BSND: variants seen among roughly 807,000 people sequenced by gnomAD.
BSND encodes barttin.
In BSND, 13 loss-of-function variants were observed where a neutral mutation model predicts 18.8. The ratio of observed to expected loss-of-function variants is 0.69; its 90% CI spans 0.45 to 1.10. The LOEUF is 1.10. BSND is among the 50% of genes least tolerant of loss of function. BSND has a pLI of 0.00. For missense variants in BSND, 379 were observed against 416.7 expected, an observed-to-expected ratio of 0.91 and a Z score of 0.79; for synonymous variants, 170 against 161.8, an observed-to-expected ratio of 1.05 and a Z score of -0.39.
rs868274521 is a variant in BSND, at chr1:55,013,883, C to T, written c.*5255C>T. Among the ~76,000 whole-genome samples the T allele has an allele frequency of 2.0e-5, 3 of 152,176 alleles. No homozygotes were observed. The highest frequency in any genetic ancestry group is 3.2e-3 in the Middle Eastern group (1 of 316). On this transcript the variant is annotated 3_prime_UTR_variant, in exon 4 of 4. Coordinates refer to ENST00000651561, the MANE Select transcript of BSND (RefSeq NM_057176.3). ...CCTTTCCAGCCACCCTGCCTTGGCT[C>T]ATGCTGTTCCCTCCACCCAGGTGCC...
chr1:55,008,764 AGAAATACACAG>A lies in BSND; in HGVS notation c.*138_*148del. ...GATGGTGGCATTTTGAGAATGGTAA[AGAAATACACAG>A]GGAGGGGATGATGACTATTAGTGGA... On this transcript the variant is annotated 3_prime_UTR_variant, in exon 4 of 4. Transcript: ENST00000651561. 7.8e-7 allele frequency: 1 copy of A among 1,275,472 alleles called. No individual in the cohort carries two copies. The highest frequency in any genetic ancestry group is 1.1e-6 in the Non-Finnish European group (1 of 895,438). The allele number at this position is 1,275,472 out of a possible 1,614,324, so 79.0% of individuals were successfully genotyped here.
intron 1 of BSND, 101 bp from the exon 2 acceptor site, chr1:55,004,921 T>C (rs758109197): frequency 3.7e-6 from 4 of 1,090,732 alleles, no homozygotes; most frequent in South Asian, 2.6e-5. Context: ...TGGTGCAGCC[T>C]GTCTCCCAGA....
rs1644425178 is a variant in BSND, at chr1:55,012,131, G to A, written c.*3503G>A. Among the ~76,000 whole-genome samples, 1 of 152,136 alleles carries A rather than the reference G, an allele frequency of 6.6e-6. No individual in the cohort carries two copies. Among genetic ancestry groups the A allele is most frequent in the African/African-American group, 2.4e-5 (1 of 41,440 alleles). On this transcript the variant is annotated 3_prime_UTR_variant, in exon 4 of 4. Transcript: ENST00000651561. ...AAGGGTGGGCAAGGGAAGGCAGGGG[G>A]CCCAGGGGCAGGGAACCTGGGCTCT...
rs557510066 is a variant in BSND, at chr1:55,014,852, G to A, written c.*6224G>A. 6.6e-6 allele frequency among the ~76,000 whole-genome samples: 1 copy of A among 152,330 alleles called. No homozygotes were observed. The highest frequency in any genetic ancestry group is 2.4e-5 in the African/African-American group (1 of 41,576). ...TGGATAGCTGGTAGGCAACCCAGAA[G>A]AGGTGGGAGTTGCAAGCCAGGACTT... On this transcript the variant is annotated 3_prime_UTR_variant, in exon 4 of 4. Coordinates refer to ENST00000651561, the MANE Select transcript of BSND (RefSeq NM_057176.3).
At chr1:55,001,128 T>C (rs1644359206) in intron 1 of BSND, among the ~76,000 whole-genome samples, 1 of 152,142 alleles carries the variant, frequency 6.6e-6, no homozygotes, top group African/African-American at 2.4e-5. Flanking sequence ...CCCACTTCTG[T>C]GACCTTGGCA....
chr1:55,000,100 C>T (rs900075278), intron 1 of BSND, among the ~76,000 whole-genome samples: 3 of 152,100 alleles, frequency 2.0e-5, no homozygotes, highest in South Asian at 4.1e-4. Context: ...GATCCCTGCC[C>T]CTATTTTCCA....
chr1:55,017,048 C>A lies in BSND; in HGVS notation c.*8420C>A, dbSNP rs1644454704. ...CTTTGTGAATTTCTTTGATGAATTT[C>A]TATCTCCTTCATTGGACGCTAAGCT... On this transcript the variant is annotated 3_prime_UTR_variant, in exon 4 of 4. Coordinates refer to ENST00000651561, the MANE Select transcript of BSND (RefSeq NM_057176.3). Among the ~76,000 whole-genome samples the A allele has an allele frequency of 6.6e-6, 1 of 152,200 alleles. No individual in the cohort carries two copies. The highest frequency in any genetic ancestry group is 2.4e-5 in the African/African-American group (1 of 41,452).
Position 55,012,474 on chromosome 1 carries a change from A to T in BSND, c.*3846A>T, listed in dbSNP as rs2495509. Among the ~76,000 whole-genome samples the T allele has an allele frequency of 0.23, 35,394 of 152,144 alleles. 5,027 individuals carry two copies. Among genetic ancestry groups the T allele is most frequent in the African/African-American group, 0.39 (16,276 of 41,486 alleles). ...CCTTGGACAAGTCACAGCCCCTCTC[A>T]GAGCCTCAATGTCCACATTTATGCA... is the stretch of plus-strand genomic sequence containing the variant. On this transcript the variant is annotated 3_prime_UTR_variant, in exon 4 of 4. Transcript: ENST00000651561.
Position 55,007,171 on chromosome 1 carries a change from T to C in BSND, c.447T>C (p.Gly149=). Residue 149 remains glycine (G), a synonymous_variant, in exon 3 of 4, where the codon GGT becomes GGC. Transcript: ENST00000651561. Reference sequence around the variant, plus strand: ...TGGGAACCAGTGATGGAGGAGAAGGTGGCCCTGGCGACGTTCAGGCCTGGA... The same window carrying C: ...TGGGAACCAGTGATGGAGGAGAAGGCGGCCCTGGCGACGTTCAGGCCTGGA... ...PKLGTSDGGE[G]GPGDVQAWME... is the part of the protein sequence containing the mutation. 6.2e-7 allele frequency: 1 copy of C among 1,614,084 alleles called. No homozygotes were observed. The highest frequency in any genetic ancestry group is 8.5e-7 in the Non-Finnish European group (1 of 1,180,006).
chr1:55,006,984 T>G lies in BSND; in HGVS notation c.273-13T>G. 6.2e-7 allele frequency: 1 copy of G among 1,613,776 alleles called. No individual in the cohort carries two copies. Among genetic ancestry groups the G allele is most frequent in the Non-Finnish European group, 8.5e-7 (1 of 1,179,994 alleles). On this transcript the variant is annotated splice_polypyrimidine_tract_variant and intron_variant, in intron 2 of 3. Coordinates refer to ENST00000651561, the MANE Select transcript of BSND (RefSeq NM_057176.3). ...GACTCTTTGCCGCCTGCCTGTTCTC[T>G]CTCCCACTCCAGCCCCAGTCCCCAG...
intron 1 of BSND, among the ~76,000 whole-genome samples, chr1:55,001,833 G>C (rs1193954873): frequency 6.6e-6 from 1 of 152,160 alleles, no homozygotes; most frequent in Non-Finnish European, 1.5e-5. Context: ...AGGCAGAAGA[G>C]TAGCATGATC....
chr1:55,015,158 G>C lies in BSND; in HGVS notation c.*6530G>C, dbSNP rs1179185263. 6.6e-6 allele frequency among the ~76,000 whole-genome samples: 1 copy of C among 152,236 alleles called. No individual in the cohort carries two copies. The highest frequency in any genetic ancestry group is 2.4e-5 in the African/African-American group (1 of 41,454). ...ATACTAACAGATACAAAAGGGAAAG[G>C]TGGCACGTATTGGTGGCAAGAAGGC... On this transcript the variant is annotated 3_prime_UTR_variant, in exon 4 of 4. Transcript: ENST00000651561.
intron 1 of BSND, among the ~76,000 whole-genome samples, chr1:55,001,920 C>T (rs1010326373): frequency 5.9e-5 from 9 of 152,128 alleles, no homozygotes; most frequent in East Asian, 1.9e-4. Context: ...GTAAAGGTAG[C>T]GAGGGAGTGG....
chr1:55,002,252 T>A (rs907334790), intron 1 of BSND, among the ~76,000 whole-genome samples: 4 of 152,160 alleles, frequency 2.6e-5, no homozygotes, highest in Non-Finnish European at 5.9e-5. Flanking sequence ...GTAGACCTGG[T>A]CAGATTTGGT....
rs996136567 is a variant in BSND, at chr1:55,016,740, C to T, written c.*8112C>T. On this transcript the variant is annotated 3_prime_UTR_variant, in exon 4 of 4. Coordinates refer to ENST00000651561, the MANE Select transcript of BSND (RefSeq NM_057176.3). The stretch of plus-strand genomic sequence containing the variant: ...GCACACCACAGTGCCTGGCTTTATC[C>T]TGATAATTTACCCTAAGGAAGAAAT... 2.0e-5 allele frequency among the ~76,000 whole-genome samples: 3 copies of T among 152,152 alleles called. No individual in the cohort carries two copies. The South Asian group carries it at 6.2e-4, about 31-fold the overall frequency.
In BSND at chr1:55,012,196, C is replaced by T. The variant is rs1422523656; in HGVS notation, c.*3568C>T. Among the ~76,000 whole-genome samples, 1 of 152,184 alleles carries T rather than the reference C, an allele frequency of 6.6e-6. No homozygotes were observed. Among genetic ancestry groups the T allele is most frequent in the Non-Finnish European group, 1.5e-5 (1 of 68,028 alleles). On this transcript the variant is annotated 3_prime_UTR_variant, in exon 4 of 4. Coordinates refer to ENST00000651561, the MANE Select transcript of BSND (RefSeq NM_057176.3). ...ATGACCTTGGGTACATCACAGCCCT[C>T]CCTGGGCTCCTCTATTCTCTGTAAA...
rs952917342 is a variant in BSND, at chr1:55,013,184, A to T, written c.*4556A>T. On this transcript the variant is annotated 3_prime_UTR_variant, in exon 4 of 4. Transcript: ENST00000651561. ...TATGTATTTATTTATTTATTTTGAG[A>T]TGGAGTGTTGCGCTTGTTGCCCAGG... Among the ~76,000 whole-genome samples the T allele has an allele frequency of 6.6e-6, 1 of 151,356 alleles. No individual in the cohort carries two copies. Among genetic ancestry groups the T allele is most frequent in the Non-Finnish European group, 1.5e-5 (1 of 68,020 alleles).
At chr1:55,007,408 G>C (rs1348502626) in intron 3 of BSND, 136 bp downstream of exon 3, 10 of 1,083,736 alleles carry the variant, frequency 9.2e-6, no homozygotes, top group Middle Eastern at 3.1e-4. Flanking sequence ...GACACCCTGA[G>C]ATGTGGCAGA....
Position 55,010,605 on chromosome 1 carries a change from G to T in BSND, c.*1977G>T, listed in dbSNP as rs1644417726. 1 of 152,306 alleles carries T rather than the reference G, an allele frequency of 6.6e-6. No homozygotes were observed. The highest frequency in any genetic ancestry group is 2.4e-5 in the African/African-American group (1 of 41,456). 9.4% of individuals were successfully genotyped at this position (152,306 alleles called of 1,614,324 possible). A position where few individuals can be genotyped will look rare whatever the true frequency, so the allele number is the denominator to read the frequency against. On this transcript the variant is annotated 3_prime_UTR_variant, in exon 4 of 4. Transcript: ENST00000651561. ...GGCCGGGGGTCCTGGCCTAGGGAAG[G>T]AGATGCCCCTGTGTGCTGGGTTACA...
Sources: allele counts gnomAD v4.1 joint callset (sites outside exome capture counted in the v4.1 genomes callset), GRCh38; gene constraint gnomAD v4.1.1; transcripts MANE v1.5; gene names NCBI Gene and HGNC (gene_info 2026-07-23, HGNC 2026-07-21).